The following WIPF1 variants were observed in gnomAD, a reference collection of about 807,000 sequenced individuals.
The protein encoded by WIPF1 is WAS/WASL-interacting protein family member 1.
In WIPF1, 13 loss-of-function variants were observed where a neutral mutation model predicts 35.4. The observed-to-expected ratio is 0.37, with a 90% CI of 0.24 to 0.58. The LOEUF (loss-of-function observed/expected upper bound fraction) is 0.58, where lower values mean the gene tolerates loss of function less well. Among genes scored for constraint, WIPF1 ranks in the 20% least tolerant of loss-of-function variants. The pLI is 0.74. For missense variants in WIPF1, 591 were observed against 667.0 expected (o/e 0.89, Z 1.25); for synonymous variants, 267 against 266.3 (o/e 1.00, Z -0.02).
chr2:174,678,846 T>C (rs1295495936), intron 1 of WIPF1, among the ~76,000 whole-genome samples: 1 of 152,224 alleles, frequency 6.6e-6, no homozygotes, highest in Non-Finnish European at 1.5e-5. Context: ...GTGAGATCTC[T>C]CCTTGGGGGC....
chr2:174,656,688 C>T (rs139759656), intron 1 of WIPF1, among the ~76,000 whole-genome samples: 148 of 152,340 alleles, frequency 9.7e-4, no homozygotes, highest in African/African-American at 3.4e-3. Context: ...CCATGGCCAA[C>T]CTATCCCTGC....
At chr2:174,574,826 C>G in intron 4 of WIPF1, 1 of 714,744 alleles carries the variant, frequency 1.4e-6, no homozygotes, top group African/African-American at 1.8e-5. Context: ...AGTATTTACT[C>G]TACTAGACAG....
At chr2:174,652,539 A>G (rs555142086) in intron 1 of WIPF1, among the ~76,000 whole-genome samples, 1 of 152,244 alleles carries the variant, frequency 6.6e-6, no homozygotes. Context: ...TCCTTTGGTG[A>G]TTTTTCCCAT....
chr2:174,590,635 G>C lies in WIPF1; in HGVS notation c.-38-5024C>G, dbSNP rs79075340. ...GTGTGGTCAGTCATCTCCTGCATCA[G>C]AATCTGCTGTGCCTGTGTCCGGCTT... On this transcript the variant is annotated intron_variant, in intron 1 of 7. Transcript: ENST00000679041. The surrounding 1 kb of genome is among the most constrained non-coding windows in gnomAD (Gnocchi z 4.6). Among the ~76,000 whole-genome samples, 3,255 of 152,262 alleles carry C rather than the reference G, an allele frequency of 0.021. 107 individuals are homozygous for C. Among genetic ancestry groups the C allele is most frequent in the African/African-American group, 0.075 (3,115 of 41,518 alleles).
chr2:174,573,764 G>C (rs1261450212), intron 4 of WIPF1, among the ~76,000 whole-genome samples: 1 of 152,202 alleles, frequency 6.6e-6, no homozygotes, highest in East Asian at 1.9e-4. Context: ...TGAGTGGCCA[G>C]CAGGGGTTAG....
intron 1 of WIPF1, among the ~76,000 whole-genome samples, chr2:174,646,154 T>C (rs1687404815): frequency 6.6e-6 from 1 of 152,212 alleles, no homozygotes; most frequent in South Asian, 2.1e-4. Flanking sequence ...TGTCTCTCGT[T>C]ATGGAGATTG....
chr2:174,652,818 C>T lies in WIPF1; in HGVS notation c.-39+29956G>A, dbSNP rs1230681743. ...AAAAAAAAAAAAAAACAAAAAAAAA[C>T]TTCATTTTCCAAAACTGGCCTTTGA... On this transcript the variant is annotated intron_variant, in intron 1 of 8. Transcript: ENST00000272746. 5.4e-5 allele frequency among the ~76,000 whole-genome samples: 8 copies of T among 149,250 alleles called. No homozygotes were observed. In the East Asian group the frequency reaches 1.4e-3, roughly 25 times the overall value.
chr2:174,623,664 C>CCTG (rs1686742813), intron 1 of WIPF1, among the ~76,000 whole-genome samples: 4 of 152,134 alleles, frequency 2.6e-5, no homozygotes, highest in African/African-American at 9.7e-5. Flanking sequence ...ATGAATGTAG[C>CCTG]CAACAAACTG....
intron 2 of WIPF1, among the ~76,000 whole-genome samples, chr2:174,583,858 C>A (rs1685315269): frequency 6.6e-6 from 1 of 152,130 alleles, no homozygotes; most frequent in Non-Finnish European, 1.5e-5. Flanking sequence ...CTTGCTCTAT[C>A]ACCCAGGCTG....
intron 1 of WIPF1, among the ~76,000 whole-genome samples, chr2:174,670,873 T>C (rs114332797): frequency 1.2e-3 from 173 of 143,704 alleles, no homozygotes; most frequent in African/African-American, 3.7e-3. Context: ...TGGTTAGGCA[T>C]AGGGTGTTTT....
chr2:174,638,929 C>T (rs760127409), intron 1 of WIPF1, among the ~76,000 whole-genome samples: 5 of 152,104 alleles, frequency 3.3e-5, no homozygotes, highest in South Asian at 4.1e-4. Context: ...ATCATATGGT[C>T]ATGCTATTTT....
At chr2:174,599,956 G>T (rs1056253963), upstream of WIPF1, among the ~76,000 whole-genome samples, 2 of 152,220 alleles carry the variant, frequency 1.3e-5, no homozygotes, top group African/African-American at 4.8e-5. Context: ...GGGGCAGGGG[G>T]TGGGGATGGT....
intron 1 of WIPF1, among the ~76,000 whole-genome samples, chr2:174,633,624 G>A (rs1483919888): frequency 6.6e-6 from 1 of 152,230 alleles, no homozygotes; most frequent in Non-Finnish European, 1.5e-5. Flanking sequence ...GCAGGCCACT[G>A]CGTAATTAAA....
intron 1 of WIPF1, chr2:174,587,674 C>T (rs1685468377): frequency 6.6e-6 from 1 of 152,202 alleles, no homozygotes; most frequent in Non-Finnish European, 1.5e-5. Context: ...GTCTCTGACT[C>T]CTAAGACAGC....
At chr2:174,598,628 G>C (rs13411041), upstream of WIPF1, among the ~76,000 whole-genome samples, 10 of 152,094 alleles carry the variant, frequency 6.6e-5, no homozygotes, top group Admixed American at 3.3e-4. Context: ...CAGCAAATGA[G>C]TTTTGAAACG....
chr2:174,612,887 C>A (rs1686396399), intron 1 of WIPF1, among the ~76,000 whole-genome samples: 1 of 152,164 alleles, frequency 6.6e-6, no homozygotes, highest in Non-Finnish European at 1.5e-5. Context: ...ATATTCTAAC[C>A]ATTCGTAGAC....
intron 1 of WIPF1, among the ~76,000 whole-genome samples, chr2:174,663,673 C>A (rs975811107): frequency 4.6e-5 from 7 of 152,234 alleles, no homozygotes; most frequent in Non-Finnish European, 2.9e-5. Flanking sequence ...ATGAAAGTCA[C>A]TGTGGGAGGA....
chr2:174,579,787 C>A (rs1264331527), intron 3 of WIPF1, among the ~76,000 whole-genome samples: 1 of 152,232 alleles, frequency 6.6e-6, no homozygotes, highest in East Asian at 1.9e-4. Context: ...CCACAGGCCT[C>A]TGTCCTAGAG....
intron 1 of WIPF1, among the ~76,000 whole-genome samples, chr2:174,592,031 A>G (rs1479928159): frequency 6.6e-6 from 1 of 152,180 alleles, no homozygotes; most frequent in Admixed American, 6.5e-5. Context: ...GCCCCAGGAA[A>G]CTCAGGGTTT....
Sources: gnomAD v4.1 joint callset for allele counts (sites outside exome capture counted in the v4.1 genomes callset) on GRCh38, gnomAD v4.1.1 for gene constraint, Gnocchi (gnomAD v3.1) non-coding constraint, MANE v1.5 for transcripts, NCBI Gene and HGNC (gene_info 2026-07-23, HGNC 2026-07-21) for gene names.